Variants in LRSAM1 observed in about 807,000 individuals in gnomAD.
LRSAM1 encodes leucine rich repeat and sterile alpha motif containing 1.
A neutral mutation model predicts 118.1 loss-of-function variants in LRSAM1; 96 were observed. The observed-to-expected ratio is 0.81, with a 90% CI of 0.69 to 0.96. The LOEUF (loss-of-function observed/expected upper bound fraction) is 0.96, where lower values mean the gene tolerates loss of function less well. LRSAM1 is among the 40% of genes least tolerant of loss of function. The probability of loss-of-function intolerance (pLI) is 0.00; values close to 1 mark genes in which losing one functional copy is unlikely to be tolerated. For missense variants in LRSAM1, 804 were observed against 915.5 expected (o/e 0.88, Z 1.57); for synonymous variants, 322 against 364.2 (o/e 0.88, Z 1.32).
intron 24 of LRSAM1, among the ~76,000 whole-genome samples, chr9:127,498,416 C>A (rs1836238872): frequency 6.6e-6 from 1 of 152,218 alleles, no homozygotes. Flanking sequence ...TCACCCCCGG[C>A]AGACAAGCCT....
In LRSAM1 at chr9:127,500,358, C is replaced by CAAAA. The variant is rs563842364; in HGVS notation, c.1913-638_1913-635dup. On this transcript the variant is annotated intron_variant, in intron 24 of 25. Transcript: ENST00000300417. ...CCTGGGTGACAGAGCGAGACTGTCTCAAAAAAAAAAAAAAAAAGAGACTTA... is the reference window on the plus strand; with the variant it reads ...CCTGGGTGACAGAGCGAGACTGTCTCAAAAAAAAAAAAAAAAAAAAAGAGACTTA... 8.7e-4 allele frequency among the ~76,000 whole-genome samples: 81 copies of CAAAA among 93,542 alleles called. 10 individuals carry two copies. Among genetic ancestry groups the CAAAA allele is most frequent in the Middle Eastern group, 7.5e-3 (1 of 134 alleles). The allele number at this position is 93,542 out of a possible 152,430, so 61.4% of individuals were successfully genotyped here.
At chr9:127,495,182 A>G (rs1836081475) in intron 21 of LRSAM1, 138 bp from the exon 22 acceptor site, 2 of 691,312 alleles carry the variant, frequency 2.9e-6, no homozygotes, top group African/African-American at 3.6e-5. Context: ...TGAACTCCCG[A>G]CCTCAGGTGA....
chr9:127,501,051 C>T lies in LRSAM1; in HGVS notation c.1954C>T (p.Pro652Ser). ...GGGTGAGGTCGTCACCCCTACGGCCCCCCAGGAGCCTCCTGAGTCTGTGAG... is the reference window on the plus strand; with the variant it reads ...GGGTGAGGTCGTCACCCCTACGGCCTCCCAGGAGCCTCCTGAGTCTGTGAG... ...PMGEVVTPTA[P>S]QEPPESVRPS... Residue 652 changes from proline to serine, a missense_variant, in exon 25 of 26, where the codon CCC (proline) becomes TCC (serine). Coordinates refer to ENST00000300417, the MANE Select transcript of LRSAM1 (RefSeq NM_001005373.4). 1 of 1,614,052 alleles carries T rather than the reference C, an allele frequency of 6.2e-7. No homozygotes were observed. Among genetic ancestry groups the T allele is most frequent in the South Asian group, 1.1e-5 (1 of 91,070 alleles).
intron 7 of LRSAM1, among the ~76,000 whole-genome samples, chr9:127,459,769 G>A (rs887609953): frequency 9.2e-5 from 14 of 152,028 alleles, no homozygotes; most frequent in African/African-American, 3.4e-4. Context: ...ATGTTGGCCA[G>A]GCTGACCTCA....
chr9:127,488,880 C>G (rs775895004), intron 18 of LRSAM1, among the ~76,000 whole-genome samples: 6 of 152,108 alleles, frequency 3.9e-5, no homozygotes, highest in Non-Finnish European at 7.4e-5. Context: ...CATGAGCCAC[C>G]GGCCTGTTCA....
At chr9:127,481,142 C>T (rs756740139) in intron 14 of LRSAM1, 41 bp from the exon 15 acceptor site, 11 of 1,612,012 alleles carry the variant, frequency 6.8e-6, no homozygotes, top group South Asian at 5.5e-5. Flanking sequence ...GGAAACAGGC[C>T]TGCTGGTGAC....
chr9:127,489,305 A>T, intron 18 of LRSAM1, 139 bp from the exon 19 acceptor site: 1 of 977,798 alleles, frequency 1.0e-6, no homozygotes, highest in South Asian at 1.4e-5. Flanking sequence ...TACACAAGTG[A>T]GGTGAAATCT....
intron 9 of LRSAM1, among the ~76,000 whole-genome samples, chr9:127,467,345 G>A (rs562067746): frequency 2.6e-5 from 4 of 152,328 alleles, no homozygotes; most frequent in East Asian, 1.9e-4. Context: ...TCCACTGCGC[G>A]TGTCCCCAGG....
Position 127,462,329 on chromosome 9 carries a change from A to T in LRSAM1, c.484A>T (p.Ile162Phe), listed in dbSNP as rs1039329590. The part of the protein sequence containing the change: ...LRTLNISGNE[I>F]QRLPQMLAHV... ...TACCCTCAACATCAGTGGAAACGAG[A>T]TCCAGAGATTGCCGCAGATGCTGGC... Residue 162 changes from isoleucine to phenylalanine, a missense_variant, in exon 9 of 26, where the codon ATC becomes TTC. Transcript: ENST00000300417. The T allele has an allele frequency of 1.9e-6, 3 of 1,614,086 alleles. No individual in the cohort carries two copies. Among genetic ancestry groups the T allele is most frequent in the Non-Finnish European group, 2.5e-6 (3 of 1,180,014 alleles).
chr9:127,498,523 CTGTT>C (rs1285682705), intron 24 of LRSAM1, among the ~76,000 whole-genome samples: 1 of 152,176 alleles, frequency 6.6e-6, no homozygotes, highest in Non-Finnish European at 1.5e-5. Flanking sequence ...CTGCTTCTCA[CTGTT>C]TGAGTCATCC....
Position 127,494,536 on chromosome 9 carries a change from C to T in LRSAM1, c.1600-784C>T, listed in dbSNP as rs1484916506. Among the ~76,000 whole-genome samples the T allele has an allele frequency of 2.6e-5, 4 of 152,376 alleles. No homozygotes were observed. The South Asian group carries it at 6.2e-4, about 24-fold the overall frequency. On this transcript the variant is annotated intron_variant, in intron 21 of 25. Transcript: ENST00000300417. ...ATGGTCTGGCACATGGCACTGTGAA[C>T]ATGTCAGCTACGCCTGTTGTCACCG...
Position 127,482,985 on chromosome 9 carries a change from A to C in LRSAM1, c.1124A>C (p.Glu375Ala). ...RMEQLMSITQEETESLRRRDV... is the reference protein window; with the variant it reads ...RMEQLMSITQAETESLRRRDV... Reference sequence around the variant, plus strand: ...GAACAGTTGATGTCCATAACCCAGGAGGAGACTGAGAGCCTGCGGCGACGT... The same window carrying C: ...GAACAGTTGATGTCCATAACCCAGGCGGAGACTGAGAGCCTGCGGCGACGT... The change falls in exon 16 of 26, where the codon GAG becomes GCG. Residue 375 changes from glutamate (E) to alanine (A), a missense_variant. Coordinates refer to ENST00000300417, the MANE Select transcript of LRSAM1 (RefSeq NM_001005373.4). The C allele has an allele frequency of 6.3e-7, 1 of 1,579,980 alleles. No individual in the cohort carries two copies. The highest frequency in any genetic ancestry group is 8.6e-7 in the Non-Finnish European group (1 of 1,163,002).
intron 24 of LRSAM1, among the ~76,000 whole-genome samples, chr9:127,497,946 C>T (rs1465882995): frequency 3.3e-5 from 5 of 152,324 alleles, no homozygotes; most frequent in African/African-American, 1.2e-4. Flanking sequence ...GAAACTGAAG[C>T]GCAAAGAGGT....
chr9:127,457,304 C>G lies in LRSAM1; in HGVS notation c.175-12C>G. On this transcript the variant is annotated splice_polypyrimidine_tract_variant and intron_variant, in intron 5 of 25. Coordinates refer to ENST00000300417, the MANE Select transcript of LRSAM1 (RefSeq NM_001005373.4). ...TCCTCAGCCCAGCATGGCCGCACAT[C>G]TCTCCACACAGGTGCTGATCGTCCA... 1 of 1,613,996 alleles carries G rather than the reference C, an allele frequency of 6.2e-7. No individual in the cohort carries two copies. The highest frequency in any genetic ancestry group is 8.5e-7 in the Non-Finnish European group (1 of 1,180,022).
At chr9:127,498,140 T>G (rs901498571) in intron 24 of LRSAM1, among the ~76,000 whole-genome samples, 1 of 152,110 alleles carries the variant, frequency 6.6e-6, no homozygotes, top group African/African-American at 2.4e-5. Context: ...GCGGAGGAGC[T>G]GAGGCGAAGG....
intron 7 of LRSAM1, among the ~76,000 whole-genome samples, chr9:127,459,721 G>C (rs1049406954): frequency 6.6e-6 from 1 of 151,860 alleles, no homozygotes; most frequent in African/African-American, 2.4e-5. Flanking sequence ...ACCACACCTG[G>C]ACAATTTTTG....
At chr9:127,480,387 C>T (rs907460523) in intron 14 of LRSAM1, among the ~76,000 whole-genome samples, 15 of 152,160 alleles carry the variant, frequency 9.9e-5, no homozygotes, top group Admixed American at 7.9e-4. Context: ...GTGCAAGGTA[C>T]GAGCTAGTAA....
intron 17 of LRSAM1, 161 bp from the exon 18 acceptor site, chr9:127,487,515 T>C: frequency 1.5e-6 from 1 of 648,400 alleles, no homozygotes; most frequent in South Asian, 1.6e-5. Flanking sequence ...TCAGACAGAC[T>C]CAGTGTCTGT....
intron 21 of LRSAM1, among the ~76,000 whole-genome samples, chr9:127,493,100 C>T (rs1564280370): frequency 2.0e-5 from 3 of 152,200 alleles, no homozygotes; most frequent in South Asian, 4.1e-4. Context: ...CTCACTCTGT[C>T]GCCCAGGCTG....
Sources: allele counts gnomAD v4.1 joint callset (sites outside exome capture counted in the v4.1 genomes callset), GRCh38; gene constraint gnomAD v4.1.1; transcripts MANE v1.5; gene names NCBI Gene and HGNC (gene_info 2026-07-23, HGNC 2026-07-21).